Variants in SLC25A12 observed in about 807,000 individuals in gnomAD.
SLC25A12 encodes the protein electrogenic aspartate/glutamate antiporter SLC25A12, mitochondrial.
Under a neutral mutation model 83.3 loss-of-function variants are expected in SLC25A12, and 32 were observed. The ratio of observed to expected loss-of-function variants is 0.38; its 90% CI spans 0.29 to 0.52. The LOEUF is 0.52. Among genes scored for constraint, SLC25A12 ranks in the 20% least tolerant of loss-of-function variants. The pLI is 0.84. For synonymous variants in SLC25A12, 267 were observed against 291.1 expected, an observed-to-expected ratio of 0.92 and a Z score of 0.84; for missense variants, 611 against 835.6, an observed-to-expected ratio of 0.73 and a Z score of 3.31.
intron 2 of SLC25A12, among the ~76,000 whole-genome samples, chr2:171,889,142 C>T (rs1262255228): frequency 1.3e-5 from 2 of 152,136 alleles, no homozygotes; most frequent in African/African-American, 4.8e-5. Context: ...TGATCCTCTG[C>T]CTTGCTTTAT....
rs1683912273 is a variant in SLC25A12, at chr2:171,809,776, T to C, written c.1225-90A>G. On this transcript the variant is annotated intron_variant, in intron 12 of 17. Transcript: ENST00000422440. ...CTTTTCCAAGTCAGCAAAATATTTG[T>C]CTTATGATAAAATTTAAAATTATCA... The C allele has an allele frequency of 3.2e-6, 3 of 928,044 alleles. No homozygotes were observed. In the Admixed American group the frequency reaches 5.3e-5, roughly 16 times the overall value. 57.5% of individuals were successfully genotyped at this position (928,044 alleles called of 1,614,324 possible). A position where few individuals can be genotyped will look rare whatever the true frequency, so the allele number is the denominator to read the frequency against.
intron 5 of SLC25A12, among the ~76,000 whole-genome samples, chr2:171,839,782 C>A (rs923042949): frequency 1.3e-5 from 2 of 151,982 alleles, no homozygotes; most frequent in African/African-American, 4.8e-5. Flanking sequence ...ATGACAGGAC[C>A]CCCAAAAGAT....
Position 171,792,999 on chromosome 2 carries a change from T to G in SLC25A12, c.1446+628A>C, listed in dbSNP as rs985253371. Among the ~76,000 whole-genome samples, 4 of 152,166 alleles carry G rather than the reference T, an allele frequency of 2.6e-5. No homozygotes were observed. The East Asian group carries it at 7.7e-4, about 29-fold the overall frequency. ...ATGGAAAGAAATATTCTTCCTTGTTTAAGAAAAATAATAGCTTCTGCTCCA... is the reference window on the plus strand; with the variant it reads ...ATGGAAAGAAATATTCTTCCTTGTTGAAGAAAAATAATAGCTTCTGCTCCA... On this transcript the variant is annotated intron_variant, in intron 14 of 17. Transcript: ENST00000422440.
At chr2:171,886,626 C>T (rs1290888066) in intron 2 of SLC25A12, among the ~76,000 whole-genome samples, 1 of 152,008 alleles carries the variant, frequency 6.6e-6, no homozygotes, top group Non-Finnish European at 1.5e-5. Context: ...TCTCCTGCCT[C>T]AGCCTCCCGA....
chr2:171,791,910 AAATT>A lies in SLC25A12; in HGVS notation c.1447-325_1447-322del, dbSNP rs3836024. Among the ~76,000 whole-genome samples the A allele has an allele frequency of 3.9e-5, 6 of 152,150 alleles. 1 individual carries two copies. In the East Asian group the frequency reaches 9.6e-4, roughly 24 times the overall value. ...TTCTTATATAGATTCAGAGTTTTTAAAATTAATTAATCTCTTACTATGGTAAAAA... is the reference window on the plus strand; with the variant it reads ...TTCTTATATAGATTCAGAGTTTTTAAAATTAATCTCTTACTATGGTAAAAA... On this transcript the variant is annotated intron_variant, in intron 14 of 17. Transcript: ENST00000422440.
In SLC25A12 at chr2:171,834,794, GTTA is replaced by G; in HGVS notation, c.681_683del (p.Asn228del). The G allele has an allele frequency of 6.2e-7, 1 of 1,613,894 alleles. No individual in the cohort carries two copies. Among genetic ancestry groups the G allele is most frequent in the Non-Finnish European group, 8.5e-7 (1 of 1,179,914 alleles). ...TATATATCTTACGAACAAGCTCCAT[GTTA>G]TTCAGTAACGAGTTAAATGCATTGA... is the stretch of plus-strand genomic sequence containing the variant. On this transcript the variant is annotated inframe_deletion, in exon 7 of 18. Coordinates refer to ENST00000422440, the MANE Select transcript of SLC25A12 (RefSeq NM_003705.5).
chr2:171,866,598 C>T (rs867801928), intron 3 of SLC25A12, among the ~76,000 whole-genome samples: 96 of 116,472 alleles, frequency 8.2e-4, no homozygotes, highest in Middle Eastern at 4.1e-3. Flanking sequence ...CTGACCCCCC[C>T]ACCTCCCTCC....
intron 2 of SLC25A12, among the ~76,000 whole-genome samples, chr2:171,869,202 T>A (rs1685406719): frequency 6.6e-6 from 1 of 152,214 alleles, no homozygotes; most frequent in Admixed American, 6.5e-5. Context: ...AACTGCTTAC[T>A]GGTTATCAGA....
At chr2:171,785,959 T>C (rs890858577) in intron 17 of SLC25A12, among the ~76,000 whole-genome samples, 15 of 152,158 alleles carry the variant, frequency 9.9e-5, no homozygotes, top group African/African-American at 3.6e-4. Context: ...TTTATGGTTT[T>C]CCAAATTTTC....
intron 3 of SLC25A12, among the ~76,000 whole-genome samples, chr2:171,866,562 A>G (rs1306831611): frequency 1.4e-3 from 97 of 71,568 alleles, no homozygotes; most frequent in Admixed American, 3.6e-3. Context: ...TCACCTCCCG[A>G]ACCGGGCGGC....
At chr2:171,852,606 T>G (rs1684956036) in intron 4 of SLC25A12, 2 of 441,898 alleles carry the variant, frequency 4.5e-6, no homozygotes, top group Non-Finnish European at 9.0e-6. Context: ...TACCTAAACA[T>G]GTGCCTATAA....
intron 3 of SLC25A12, among the ~76,000 whole-genome samples, chr2:171,862,730 T>C (rs1199253399): frequency 1.3e-5 from 2 of 152,170 alleles, no homozygotes; most frequent in East Asian, 3.8e-4. Context: ...CAATATTATA[T>C]GTTGCTATTT....
chr2:171,809,739 G>T (rs1323422176), intron 12 of SLC25A12, 53 bp from the exon 13 acceptor site: 3 of 1,308,706 alleles, frequency 2.3e-6, no homozygotes, highest in Admixed American at 3.4e-5. Context: ...TTTCTCTTCT[G>T]GCATACTGTT....
chr2:171,816,653 C>G (rs1450196023), intron 9 of SLC25A12, among the ~76,000 whole-genome samples: 2 of 151,930 alleles, frequency 1.3e-5, no homozygotes, highest in African/African-American at 4.8e-5. Context: ...ACATGAAACT[C>G]AAGCAGATGG....
In SLC25A12 at chr2:171,872,631, T is replaced by A. The variant is rs375858343; in HGVS notation, c.67-3808A>T. ...TAACTAGAATATGGGTTGCAAACAA[T>A]GGTATGAGAAATATACTATGGGAAC... On this transcript the variant is annotated intron_variant, in intron 2 of 17. Transcript: ENST00000422440. Among the ~76,000 whole-genome samples the A allele has an allele frequency of 2.0e-5, 3 of 152,296 alleles. No individual in the cohort carries two copies. In the South Asian group the frequency reaches 6.2e-4, roughly 32 times the overall value.
At chr2:171,859,694 G>A (rs1342413943) in intron 3 of SLC25A12, among the ~76,000 whole-genome samples, 1 of 152,130 alleles carries the variant, frequency 6.6e-6, no homozygotes, top group East Asian at 1.9e-4. Context: ...GAAAGAGAAT[G>A]GGGAGTCATT....
intron 9 of SLC25A12, among the ~76,000 whole-genome samples, chr2:171,825,933 G>A (rs1408228750): frequency 6.6e-6 from 1 of 152,130 alleles, no homozygotes. Flanking sequence ...TAATTTTATA[G>A]GACTCAGAAG....
intron 5 of SLC25A12, among the ~76,000 whole-genome samples, chr2:171,839,887 G>GT (rs1257284926): frequency 6.6e-6 from 1 of 152,128 alleles, no homozygotes; most frequent in Non-Finnish European, 1.5e-5. Flanking sequence ...GAAGCAGTTA[G>GT]TTACCCCTGC....
intron 4 of SLC25A12, among the ~76,000 whole-genome samples, 196 bp from the exon 5 acceptor site, chr2:171,844,704 A>T (rs575113680): frequency 4.6e-5 from 7 of 152,326 alleles, no homozygotes; most frequent in African/African-American, 1.7e-4. Flanking sequence ...ATAATTTTAC[A>T]CTTAAGAATA....
Sources: allele counts gnomAD v4.1 joint callset (sites outside exome capture counted in the v4.1 genomes callset), GRCh38; gene constraint gnomAD v4.1.1; transcripts MANE v1.5; gene names NCBI Gene and HGNC (gene_info 2026-07-23, HGNC 2026-07-21).